The following ARB2A variants were observed in gnomAD, a reference collection of about 807,000 sequenced individuals.
The protein encoded by ARB2A is cotranscriptional regulator ARB2A.
the ARB2A span, among the ~76,000 whole-genome samples, chr5:93,689,714 C>T: frequency 1.2e-4 from 18 of 150,020 alleles, no homozygotes; most frequent in African/African-American, 2.5e-4. Flanking sequence ...TTTTTTGAGA[C>T]GGAGTTTCGC....
chr5:93,765,382 A>G, the ARB2A span, among the ~76,000 whole-genome samples: 1 of 152,178 alleles, frequency 6.6e-6, no homozygotes, highest in African/African-American at 2.4e-5. Context: ...AAAATCACAA[A>G]CATTCTTATA....
At chr5:93,951,954 A>C in the ARB2A span, among the ~76,000 whole-genome samples, 1 of 152,234 alleles carries the variant, frequency 6.6e-6, no homozygotes, top group African/African-American at 2.4e-5. Context: ...TGCAACTTCA[A>C]GGGATAGCTG....
chr5:93,784,586 T>C, the ARB2A span: 2 of 928,648 alleles, frequency 2.2e-6, no homozygotes, highest in Non-Finnish European at 1.6e-6. Context: ...ACAATAATAT[T>C]ATATTAACAA....
the ARB2A span, among the ~76,000 whole-genome samples, chr5:93,830,299 A>ATATATG: frequency 5.0e-5 from 2 of 39,664 alleles, no homozygotes; most frequent in East Asian, 8.3e-4. Flanking sequence ...ATGTATATAT[A>ATATATG]TGTGTGTGTG....
At chr5:93,817,296 G>C in the ARB2A span, among the ~76,000 whole-genome samples, 1 of 152,102 alleles carries the variant, frequency 6.6e-6, no homozygotes, top group Non-Finnish European at 1.5e-5. Context: ...CTTAAGACTT[G>C]TACACTGAAA....
the ARB2A span, among the ~76,000 whole-genome samples, chr5:93,969,624 T>C: frequency 9.2e-5 from 14 of 152,168 alleles, no homozygotes; most frequent in East Asian, 2.7e-3. Flanking sequence ...GCAGGGGTGA[T>C]CAATGAAATA....
the ARB2A span, among the ~76,000 whole-genome samples, chr5:93,707,957 T>C: frequency 6.6e-6 from 1 of 152,216 alleles, no homozygotes; most frequent in Non-Finnish European, 1.5e-5. Flanking sequence ...TTTACTCCTT[T>C]CCTCAACTTT....
At chr5:93,909,807 C>T in the ARB2A span, among the ~76,000 whole-genome samples, 1 of 150,476 alleles carries the variant, frequency 6.6e-6, no homozygotes, top group Non-Finnish European at 1.5e-5. Flanking sequence ...TCTTTTTCTA[C>T]TGGATATTAT....
At chr5:93,932,472 A>C in the ARB2A span, among the ~76,000 whole-genome samples, 1 of 152,210 alleles carries the variant, frequency 6.6e-6, no homozygotes, top group Non-Finnish European at 1.5e-5. Flanking sequence ...ACACTGTTTA[A>C]AAATTATTTG....
the ARB2A span, among the ~76,000 whole-genome samples, chr5:93,905,526 A>G: frequency 1.3e-5 from 2 of 151,666 alleles, no homozygotes; most frequent in Admixed American, 6.6e-5. Context: ...GTTTATAACG[A>G]TAAAAACTGT....
the ARB2A span, among the ~76,000 whole-genome samples, chr5:93,702,296 C>G: frequency 1.3e-5 from 2 of 152,114 alleles, no homozygotes; most frequent in African/African-American, 4.8e-5. Flanking sequence ...AGACTAAGGT[C>G]CTAAAAGGTA....
chr5:93,883,674 T>C, the ARB2A span, among the ~76,000 whole-genome samples: 1 of 151,476 alleles, frequency 6.6e-6, no homozygotes, highest in African/African-American at 2.4e-5. Flanking sequence ...ATTTCAGCTA[T>C]AACTTCTCCT....
chr5:93,713,139 T>C, the ARB2A span, among the ~76,000 whole-genome samples: 52 of 152,230 alleles, frequency 3.4e-4, no homozygotes, highest in African/African-American at 1.3e-3. Flanking sequence ...CCGGGACATT[T>C]GACAGGGAAA....
the ARB2A span, among the ~76,000 whole-genome samples, chr5:93,745,132 TAACC>T: frequency 5.3e-5 from 8 of 152,334 alleles, no homozygotes; most frequent in Admixed American, 1.3e-4. Context: ...TAAGGAGACA[TAACC>T]AACTGCCATG....
the ARB2A span, among the ~76,000 whole-genome samples, chr5:93,924,906 C>T: frequency 3.9e-5 from 6 of 152,132 alleles, no homozygotes; most frequent in African/African-American, 1.4e-4. Flanking sequence ...CACTCATGCA[C>T]AGACTCTATT....
chr5:93,638,247 A>C, the ARB2A span, among the ~76,000 whole-genome samples: 6 of 152,158 alleles, frequency 3.9e-5, no homozygotes, highest in Admixed American at 3.9e-4. Flanking sequence ...ACCAAACCTG[A>C]AGGTGGTCTT....
At chr5:93,954,219 C>T in the ARB2A span, among the ~76,000 whole-genome samples, 1 of 152,098 alleles carries the variant, frequency 6.6e-6, no homozygotes, top group Admixed American at 6.5e-5. Flanking sequence ...GCCACCACAG[C>T]TGGGAATGTA....
chr5:94,003,184 A>T, the ARB2A span, among the ~76,000 whole-genome samples: 1 of 152,292 alleles, frequency 6.6e-6, no homozygotes, highest in African/African-American at 2.4e-5. Context: ...ACCAAAATAC[A>T]GTCACGTATT....
the ARB2A span, among the ~76,000 whole-genome samples, chr5:93,654,894 AT>A: frequency 1.3e-5 from 2 of 152,200 alleles, no homozygotes; most frequent in African/African-American, 2.4e-5. Context: ...TCACAATCCT[AT>A]CACCACTCTG....
Sources: gnomAD v4.1 joint callset for allele counts (sites outside exome capture counted in the v4.1 genomes callset) on GRCh38, gnomAD v4.1.1 for gene constraint, MANE v1.5 for transcripts, NCBI Gene and HGNC (gene_info 2026-07-23, HGNC 2026-07-21) for gene names.